Variants in ZFHX3 observed in about 807,000 individuals in gnomAD.
ZFHX3 encodes zinc finger homeobox 3.
Under a neutral mutation model 279.1 loss-of-function variants are expected in ZFHX3, and 42 were observed. The ratio of observed to expected loss-of-function variants is 0.15; its 90% CI spans 0.12 to 0.19. ZFHX3 has a LOEUF of 0.19. ZFHX3 is among the 10% of genes least tolerant of loss of function. The pLI is 1.00. For missense variants in ZFHX3, 4,981 were observed against 4,754.0 expected, an observed-to-expected ratio of 1.05 and a Z score of -1.40; for synonymous variants, 2,293 against 1,957.8, an observed-to-expected ratio of 1.17 and a Z score of -4.52.
intron 4 of ZFHX3, among the ~76,000 whole-genome samples, chr16:73,293,672 GGCCAT>G (rs1365537036): frequency 6.6e-6 from 1 of 152,186 alleles, no homozygotes; most frequent in Non-Finnish European, 1.5e-5. Flanking sequence ...AGGCCAGCAT[GGCCAT>G]GCCTGTTGGA....
intron 3 of ZFHX3, among the ~76,000 whole-genome samples, chr16:72,913,290 G>C (rs1209998814): frequency 6.6e-6 from 1 of 152,122 alleles, no homozygotes; most frequent in Admixed American, 6.5e-5. Context: ...CCTTTCTCTG[G>C]TCCAGGATCC....
intron 3 of ZFHX3, among the ~76,000 whole-genome samples, chr16:73,352,798 A>G (rs1381410597): frequency 6.6e-6 from 1 of 152,108 alleles, no homozygotes; most frequent in East Asian, 1.9e-4. Context: ...GGGGTGTCCA[A>G]TAGAAACAGC....
chr16:73,653,157 C>T (rs551485767), intron 2 of ZFHX3, among the ~76,000 whole-genome samples: 1 of 152,128 alleles, frequency 6.6e-6, no homozygotes. Context: ...ATTTAATCTA[C>T]ACTTGTCTTG....
chr16:73,604,150 T>TAA (rs1321585498), intron 2 of ZFHX3, among the ~76,000 whole-genome samples: 1 of 151,988 alleles, frequency 6.6e-6, no homozygotes, highest in African/African-American at 2.4e-5. Flanking sequence ...TGTTTATATA[T>TAA]ATAGATAGAT....
At chr16:73,647,869 G>A (rs1442549790) in intron 2 of ZFHX3, among the ~76,000 whole-genome samples, 1 of 151,792 alleles carries the variant, frequency 6.6e-6, no homozygotes, top group African/African-American at 2.4e-5. Context: ...TGAAAAAATG[G>A]GTCAAAATAT....
At chr16:73,632,917 A>C (rs760044785) in intron 2 of ZFHX3, among the ~76,000 whole-genome samples, 7 of 152,006 alleles carry the variant, frequency 4.6e-5, no homozygotes, top group Non-Finnish European at 8.8e-5. Context: ...TTTACTAAAA[A>C]TACAAAAATA....
At chr16:73,057,419 A>G (rs1965580025) in intron 1 of ZFHX3, among the ~76,000 whole-genome samples, 1 of 152,188 alleles carries the variant, frequency 6.6e-6, no homozygotes, top group Non-Finnish European at 1.5e-5. Flanking sequence ...ATATGCAAAA[A>G]GACGGACATT....
chr16:72,847,564 C>T (rs985339346), intron 4 of ZFHX3, among the ~76,000 whole-genome samples: 1 of 152,032 alleles, frequency 6.6e-6, no homozygotes, highest in Non-Finnish European at 1.5e-5. Context: ...GGCAGCTGAT[C>T]CACACACAGC....
intron 1 of ZFHX3, among the ~76,000 whole-genome samples, chr16:73,712,675 T>C (rs1441626372): frequency 1.3e-5 from 2 of 152,086 alleles, no homozygotes; most frequent in South Asian, 2.1e-4. Context: ...CTGTGGAGCA[T>C]ATTCTCTCCA....
At chr16:73,774,210 C>G (rs968548941) in intron 1 of ZFHX3, among the ~76,000 whole-genome samples, 2 of 152,092 alleles carry the variant, frequency 1.3e-5, no homozygotes, top group African/African-American at 2.4e-5. Context: ...GGTCCAAAAA[C>G]TCTCCAAATT....
chr16:73,023,399 G>A (rs955259207), intron 1 of ZFHX3, among the ~76,000 whole-genome samples: 1 of 152,156 alleles, frequency 6.6e-6, no homozygotes, highest in Non-Finnish European at 1.5e-5. Context: ...AGACACAAGG[G>A]GCCTGGAGCA....
chr16:73,850,023 G>T (rs182357323), intron 1 of ZFHX3, among the ~76,000 whole-genome samples: 1 of 152,138 alleles, frequency 6.6e-6, no homozygotes, highest in Non-Finnish European at 1.5e-5. Context: ...GTGAGCCACC[G>T]CGCCTGGCCA....
chr16:73,713,007 C>T (rs2053379468), intron 1 of ZFHX3, among the ~76,000 whole-genome samples: 2 of 152,182 alleles, frequency 1.3e-5, no homozygotes, highest in African/African-American at 4.8e-5. Context: ...GCCCACCAGC[C>T]TGGTAATGGG....
chr16:73,007,772 C>G (rs1178203453), intron 1 of ZFHX3, among the ~76,000 whole-genome samples: 2 of 152,086 alleles, frequency 1.3e-5, no homozygotes, highest in African/African-American at 4.8e-5. Context: ...TAATGCTCAG[C>G]TTCTTCCCCA....
intron 1 of ZFHX3, among the ~76,000 whole-genome samples, chr16:73,871,439 A>G (rs1166440529): frequency 6.6e-6 from 1 of 151,966 alleles, no homozygotes; most frequent in African/African-American, 2.4e-5. Context: ...ACAATGGCTT[A>G]TTTCATGGAA....
At chr16:73,782,213 T>C (rs1959495182) in intron 1 of ZFHX3, among the ~76,000 whole-genome samples, 1 of 152,154 alleles carries the variant, frequency 6.6e-6, no homozygotes, top group Non-Finnish European at 1.5e-5. Flanking sequence ...TTGAGACCTA[T>C]GGAGAGATAA....
At chr16:73,822,192 G>C (rs1053501879) in intron 1 of ZFHX3, among the ~76,000 whole-genome samples, 2 of 152,112 alleles carry the variant, frequency 1.3e-5, no homozygotes, top group African/African-American at 4.8e-5. Flanking sequence ...TGGCCTTCTG[G>C]CATCTGTTTT....
At chr16:73,091,540 C>T (rs1260577105) in intron 8 of ZFHX3, among the ~76,000 whole-genome samples, 5 of 152,178 alleles carry the variant, frequency 3.3e-5, no homozygotes, top group Non-Finnish European at 5.9e-5. Context: ...GTCAAATGGT[C>T]CCTAGCATCT....
At chr16:73,296,881 T>TTTTTTTTTTG (rs1322213122) in intron 4 of ZFHX3, among the ~76,000 whole-genome samples, 1 of 115,334 alleles carries the variant, frequency 8.7e-6, no homozygotes, top group East Asian at 3.0e-4. Context: ...GCAGGAATTT[T>TTTTTTTTTTG]TTTTTTTTTT....
Sources: gnomAD v4.1 joint callset for allele counts (sites outside exome capture counted in the v4.1 genomes callset) on GRCh38, gnomAD v4.1.1 for gene constraint, MANE v1.5 for transcripts, NCBI Gene and HGNC (gene_info 2026-07-23, HGNC 2026-07-21) for gene names.